CCDC13: variants seen among roughly 807,000 people sequenced by gnomAD.
CCDC13 encodes coiled-coil domain containing 13.
A neutral mutation model predicts 87.3 loss-of-function variants in CCDC13; 70 were observed. That is an observed-to-expected ratio of 0.80 (90% CI 0.66 to 0.98). The LOEUF is 0.98. Among genes scored for constraint, CCDC13 ranks in the 50% least tolerant of loss-of-function variants. The pLI is 0.00. For synonymous variants in CCDC13, 317 were observed against 360.3 expected, an observed-to-expected ratio of 0.88 and a Z score of 1.36; for missense variants, 842 against 892.0, an observed-to-expected ratio of 0.94 and a Z score of 0.71.
In CCDC13 at chr3:42,711,276, C is replaced by T. The variant is rs1464642951; in HGVS notation, c.1874-1478G>A. Among the ~76,000 whole-genome samples the T allele has an allele frequency of 4.3e-5, 6 of 139,856 alleles. 1 individual carries two copies. Among genetic ancestry groups the T allele is most frequent in the Admixed American group, 2.1e-4 (3 of 14,206 alleles). The allele number at this position is 139,856 out of a possible 152,430, so 91.8% of individuals were successfully genotyped here. On this transcript the variant is annotated intron_variant, in intron 14 of 15. Transcript: ENST00000310232. ...AAAAAAAAAAAAAAAAGACAAAGCT[C>T]AACTGGTGGTGGCGAACTTGGGCAA...
chr3:42,715,592 A>G (rs1316116607), intron 13 of CCDC13, among the ~76,000 whole-genome samples: 1 of 152,198 alleles, frequency 6.6e-6, no homozygotes, highest in African/African-American at 2.4e-5. Flanking sequence ...GGCCTGGGCA[A>G]CAGAGCGAGG....
chr3:42,743,304 G>T lies in CCDC13; in HGVS notation c.826-247C>A, dbSNP rs564321438. Among the ~76,000 whole-genome samples the T allele has an allele frequency of 2.2e-4, 34 of 152,030 alleles. No homozygotes were observed. Among genetic ancestry groups the T allele is most frequent in the Non-Finnish European group, 4.4e-4 (30 of 68,008 alleles). ...GAGAAAAATCACCCTATCTCTGAGG[G>T]GCTGTTTGAGGCTGGAAAGCAGACC... On this transcript the variant is annotated intron_variant, in intron 7 of 15. Transcript: ENST00000310232.
At chr3:42,721,898 G>C (rs1261647685) in intron 13 of CCDC13, among the ~76,000 whole-genome samples, 2 of 152,170 alleles carry the variant, frequency 1.3e-5, no homozygotes, top group Non-Finnish European at 2.9e-5. Context: ...AAACACGAGG[G>C]ATGGGTCATG....
chr3:42,738,560 ATTTG>A (rs964720272), intron 9 of CCDC13, among the ~76,000 whole-genome samples: 48 of 152,274 alleles, frequency 3.2e-4, no homozygotes, highest in African/African-American at 1.2e-3. Context: ...ATATTCTTCC[ATTTG>A]TTTGTGTCCT....
At chr3:42,752,500 T>C in intron 4 of CCDC13, 75 bp downstream of exon 4, 1 of 1,573,130 alleles carries the variant, frequency 6.4e-7, no homozygotes, top group Non-Finnish European at 8.7e-7. Context: ...CGGCTACATA[T>C]GGAGAAGCTA....
At chr3:42,732,513 C>T (rs1698866859) in intron 12 of CCDC13, 2 of 223,492 alleles carry the variant, frequency 8.9e-6, no homozygotes, top group Non-Finnish European at 1.8e-5. Flanking sequence ...AAAGAGGGGG[C>T]CCAAGGTCTG....
At chr3:42,765,966 T>G (rs1433110008) in intron 1 of CCDC13, among the ~76,000 whole-genome samples, 1 of 152,132 alleles carries the variant, frequency 6.6e-6, no homozygotes, top group African/African-American at 2.4e-5. Context: ...CTTTGCCTTC[T>G]GCAGAGCTGG....
At chr3:42,768,017 C>T (rs1384190714) in intron 1 of CCDC13, among the ~76,000 whole-genome samples, 2 of 150,954 alleles carry the variant, frequency 1.3e-5, no homozygotes, top group African/African-American at 4.9e-5. Context: ...GTAATTAAGA[C>T]AGTGTGGTAT....
chr3:42,748,753 CCAT>C (rs1005816004), intron 5 of CCDC13, among the ~76,000 whole-genome samples: 85 of 152,290 alleles, frequency 5.6e-4, no homozygotes, highest in African/African-American at 2.0e-3. Flanking sequence ...CAGAGCACCA[CCAT>C]CAGGCTAAAG....
In CCDC13 at chr3:42,735,725, G is replaced by A. The variant is rs750067488; in HGVS notation, c.1353C>T (p.Ile451=). 59 of 1,614,052 alleles carry A rather than the reference G, an allele frequency of 3.7e-5. No individual in the cohort carries two copies. The highest frequency in any genetic ancestry group is 4.8e-5 in the Non-Finnish European group (57 of 1,180,038). The change falls in exon 10 of 16, where the codon ATC becomes ATT. Residue 451 remains isoleucine, a synonymous_variant. Coordinates refer to ENST00000310232, the MANE Select transcript of CCDC13 (RefSeq NM_144719.4). ...EAKVRQLEME[I]GQLNVHYLRN... ...TACTCACGTGCACATTGAGTTGTCCGATCTCCATCTCCAGCTGTCGCACTT... is the reference window on the plus strand; with the variant it reads ...TACTCACGTGCACATTGAGTTGTCCAATCTCCATCTCCAGCTGTCGCACTT...
At chr3:42,752,488 C>T (rs1699608762) in intron 4 of CCDC13, 87 bp downstream of exon 4, 1 of 1,540,832 alleles carries the variant, frequency 6.5e-7, no homozygotes, top group Non-Finnish European at 8.9e-7. Context: ...CTTCAGCTCT[C>T]CCGGCTACAT....
chr3:42,751,267 T>C (rs1197839490), intron 5 of CCDC13, among the ~76,000 whole-genome samples: 4 of 146,668 alleles, frequency 2.7e-5, no homozygotes, highest in African/African-American at 1.1e-4. Flanking sequence ...AATGTTAGAC[T>C]CTGATGATAT....
chr3:42,717,009 A>T (rs1383045725), intron 13 of CCDC13, among the ~76,000 whole-genome samples: 1 of 152,268 alleles, frequency 6.6e-6, no homozygotes, highest in Non-Finnish European at 1.5e-5. Flanking sequence ...TGAAGTTCTG[A>T]CATATGCTAC....
At chr3:42,750,616 C>T (rs1367758289) in intron 5 of CCDC13, among the ~76,000 whole-genome samples, 1 of 152,156 alleles carries the variant, frequency 6.6e-6, no homozygotes, top group Admixed American at 6.5e-5. Flanking sequence ...TACAGGCGTT[C>T]GCCACCATGC....
chr3:42,748,858 C>T (rs888677349), intron 5 of CCDC13, among the ~76,000 whole-genome samples: 3 of 152,116 alleles, frequency 2.0e-5, no homozygotes, highest in Admixed American at 2.0e-4. Flanking sequence ...CGGGTTGAAG[C>T]GATTCTCCTG....
rs1040212446 is a variant in CCDC13 at position 42,735,113 on chromosome 3, G to T, written c.1371+594C>A. Among the ~76,000 whole-genome samples the T allele has an allele frequency of 8.5e-5, 13 of 152,228 alleles. No homozygotes were observed. The East Asian group carries it at 2.1e-3, about 25-fold the overall frequency. ...CACAACACAGAACAGGGGTCCTGGG[G>T]CTTCCTGGAGGAGCTCCTGACTAGG... On this transcript the variant is annotated intron_variant, in intron 10 of 15. Coordinates refer to ENST00000310232, the MANE Select transcript of CCDC13 (RefSeq NM_144719.4).
At chr3:42,770,775 G>A (rs771779324) in intron 1 of CCDC13, 5 of 153,122 alleles carry the variant, frequency 3.3e-5, no homozygotes, top group Non-Finnish European at 5.8e-5. Context: ...CCACCAGGAG[G>A]AATGAACAAC....
chr3:42,714,785 TA>T (rs1416867346), intron 13 of CCDC13, among the ~76,000 whole-genome samples: 1 of 152,220 alleles, frequency 6.6e-6, no homozygotes, highest in Non-Finnish European at 1.5e-5. Context: ...AGCTGTATAG[TA>T]ACACAGTAAA....
chr3:42,733,869 G>A (rs531983862), intron 10 of CCDC13, among the ~76,000 whole-genome samples: 3 of 152,222 alleles, frequency 2.0e-5, no homozygotes, highest in Non-Finnish European at 4.4e-5. Context: ...AGGTTCCAGA[G>A]GGAGGTGCAC....
Sources: allele counts gnomAD v4.1 joint callset (sites outside exome capture counted in the v4.1 genomes callset), GRCh38; gene constraint gnomAD v4.1.1; transcripts MANE v1.5; gene names NCBI Gene and HGNC (gene_info 2026-07-23, HGNC 2026-07-21).